Variants in NPAS3 observed in about 807,000 individuals in gnomAD.
The protein encoded by NPAS3 is neuronal PAS domain protein 3, also known as neuronal PAS domain-containing protein 3.
A neutral mutation model predicts 73.1 loss-of-function variants in NPAS3; 14 were observed. That is an observed-to-expected ratio of 0.19 (90% CI 0.13 to 0.30). The LOEUF (loss-of-function observed/expected upper bound fraction) is 0.30. Ranked by LOEUF, NPAS3 falls within the 10% of genes least tolerant of loss-of-function variation. The probability of loss-of-function intolerance (pLI) is 1.00; values close to 1 mark genes in which losing one functional copy is unlikely to be tolerated. For synonymous variants in NPAS3, 620 were observed against 541.5 expected (o/e 1.14, Z -2.01); for missense variants, 1,096 against 1,250.0 (o/e 0.88, Z 1.86).
intron 5 of NPAS3, among the ~76,000 whole-genome samples, chr14:33,574,431 T>C (rs1465322474): frequency 6.6e-6 from 1 of 152,182 alleles, no homozygotes; most frequent in Non-Finnish European, 1.5e-5. Flanking sequence ...GACCCATCAG[T>C]TGAAAGATTT....
At chr14:33,346,404 C>T (rs1023270342) in intron 3 of NPAS3, among the ~76,000 whole-genome samples, 1 of 151,368 alleles carries the variant, frequency 6.6e-6, no homozygotes, top group African/African-American at 2.4e-5. Flanking sequence ...TGTCACATGC[C>T]TATAGTCCCA....
chr14:33,318,769 A>G (rs1369362856), intron 3 of NPAS3, among the ~76,000 whole-genome samples: 1 of 152,142 alleles, frequency 6.6e-6, no homozygotes, highest in Non-Finnish European at 1.5e-5. Context: ...AAATTAACCA[A>G]ATGATATTGA....
At chr14:33,606,212 T>TCCCTCCCC (rs2057557953) in intron 5 of NPAS3, among the ~76,000 whole-genome samples, 1 of 120,908 alleles carries the variant, frequency 8.3e-6, no homozygotes, top group Non-Finnish European at 1.7e-5. Context: ...CCTAAAGCTA[T>TCCCTCCCC]CCCTCCCCCC....
chr14:33,709,280 G>C (rs147281433), intron 6 of NPAS3, among the ~76,000 whole-genome samples: 2 of 152,162 alleles, frequency 1.3e-5, no homozygotes, highest in Non-Finnish European at 2.9e-5. Context: ...ATGAATAGGA[G>C]GTTAATCAGC....
rs1156445335 is a variant in NPAS3, at chr14:33,538,649, G to A, written c.469-21472G>A. ...TATTAATATTAGATAGCACTGACAAGTATTTGGAAAAGATAGGGTAACCTA... is the reference window on the plus strand; with the variant it reads ...TATTAATATTAGATAGCACTGACAAATATTTGGAAAAGATAGGGTAACCTA... On this transcript the variant is annotated intron_variant, in intron 4 of 11. Transcript: ENST00000356141. Among the ~76,000 whole-genome samples, 5 of 152,198 alleles carry A rather than the reference G, an allele frequency of 3.3e-5. No homozygotes were observed. The East Asian group carries it at 9.6e-4, about 29-fold the overall frequency.
chr14:33,594,995 A>C (rs2057192649), intron 5 of NPAS3, among the ~76,000 whole-genome samples: 1 of 152,186 alleles, frequency 6.6e-6, no homozygotes, highest in Admixed American at 6.5e-5. Flanking sequence ...CTAAAGGAGA[A>C]AACCATGCCA....
intron 5 of NPAS3, chr14:33,612,358 C>T (rs1483130982): frequency 2.2e-6 from 1 of 454,576 alleles, no homozygotes; most frequent in Admixed American, 2.4e-5. Context: ...CGCCCACATT[C>T]TGCTTCCCCA....
intron 4 of NPAS3, among the ~76,000 whole-genome samples, chr14:33,384,156 G>A (rs974012655): frequency 6.6e-5 from 9 of 137,318 alleles, no homozygotes; most frequent in African/African-American, 2.7e-4. Flanking sequence ...TTAAAAAGAA[G>A]CAATCAGCTT....
chr14:33,504,043 TACTG>T (rs1450275331), intron 4 of NPAS3, among the ~76,000 whole-genome samples: 2 of 151,956 alleles, frequency 1.3e-5, no homozygotes, highest in Non-Finnish European at 2.9e-5. Context: ...AAACTACAAT[TACTG>T]ACACCCACCG....
chr14:32,938,514 A>AGAGAGAGAGAGG (rs1566779451), upstream of NPAS3, among the ~76,000 whole-genome samples: 1 of 121,142 alleles, frequency 8.3e-6, no homozygotes, highest in Non-Finnish European at 1.8e-5. Flanking sequence ...AGAGAGAGAG[A>AGAGAGAGAGAGG]GAGAGAGAGA....
intron 4 of NPAS3, among the ~76,000 whole-genome samples, chr14:33,515,886 G>A (rs1254190913): frequency 2.0e-5 from 3 of 152,022 alleles, no homozygotes; most frequent in African/African-American, 7.2e-5. Context: ...CCAAAGACTG[G>A]TATAGCATGT....
At chr14:33,775,272 G>A (rs2062776429) in intron 8 of NPAS3, among the ~76,000 whole-genome samples, 1 of 152,180 alleles carries the variant, frequency 6.6e-6, no homozygotes, top group South Asian at 2.1e-4. Context: ...GAGGGCCGTG[G>A]AGAGGAGCCG....
chr14:33,315,751 T>C (rs77284461), intron 3 of NPAS3, among the ~76,000 whole-genome samples: 5,426 of 151,860 alleles, frequency 0.036, 114 homozygotes, highest in Non-Finnish European at 0.054. Context: ...GGAAAAGCTA[T>C]GGGGGTAAGG....
At chr14:33,591,360 A>G (rs145298557) in intron 5 of NPAS3, among the ~76,000 whole-genome samples, 6 of 152,284 alleles carry the variant, frequency 3.9e-5, no homozygotes, top group African/African-American at 1.4e-4. Flanking sequence ...ACAAACAATT[A>G]TACTAAACCA....
intron 4 of NPAS3, among the ~76,000 whole-genome samples, chr14:33,539,024 A>G (rs2054383662): frequency 6.6e-6 from 1 of 152,128 alleles, no homozygotes; most frequent in Non-Finnish European, 1.5e-5. Flanking sequence ...AGCATCATCT[A>G]GCTGACTCTT....
At chr14:33,726,123 A>T (rs993413110) in intron 6 of NPAS3, among the ~76,000 whole-genome samples, 1 of 152,120 alleles carries the variant, frequency 6.6e-6, no homozygotes, top group African/African-American at 2.4e-5. Flanking sequence ...AAACATACTC[A>T]AGTCTCTATT....
intron 1 of NPAS3, among the ~76,000 whole-genome samples, chr14:33,003,950 G>A (rs867908400): frequency 2.3e-4 from 35 of 152,134 alleles, no homozygotes; most frequent in African/African-American, 8.2e-4. Context: ...GAGTGGGTAC[G>A]GTCTGGAGTC....
At chr14:33,789,346 C>T (rs563694644) in intron 9 of NPAS3, among the ~76,000 whole-genome samples, 1 of 152,092 alleles carries the variant, frequency 6.6e-6, no homozygotes, top group Non-Finnish European at 1.5e-5. Context: ...GGTTTTCCTT[C>T]GAGCAACAAC....
chr14:33,551,077 T>A (rs2055089789), intron 4 of NPAS3, among the ~76,000 whole-genome samples: 1 of 152,216 alleles, frequency 6.6e-6, no homozygotes, highest in South Asian at 2.1e-4. Flanking sequence ...TTCCTGAAAT[T>A]AACATAGAAG....
Sources: gnomAD v4.1 joint callset for allele counts (sites outside exome capture counted in the v4.1 genomes callset) on GRCh38, gnomAD v4.1.1 for gene constraint, MANE v1.5 for transcripts, NCBI Gene and HGNC (gene_info 2026-07-23, HGNC 2026-07-21) for gene names.